Variants in PSMG4 observed in about 807,000 individuals in gnomAD.
The protein encoded by PSMG4 is proteasome assembly chaperone 4, also known as proteasome (prosome, macropain) assembly chaperone 4.
PSMG4 carries 10 observed loss-of-function variants against 11.0 expected under a neutral mutation model. The ratio of observed to expected loss-of-function variants is 0.91; its 90% CI spans 0.56 to 1.54. The LOEUF (loss-of-function observed/expected upper bound fraction) is 1.54, where lower values mean the gene tolerates loss of function less well. Ranked by LOEUF, PSMG4 falls within the 40% of genes most tolerant of loss-of-function variation. The probability of loss-of-function intolerance (pLI) is 0.00; values close to 1 mark genes in which losing one functional copy is unlikely to be tolerated. For synonymous variants in PSMG4, 95 were observed against 71.3 expected, an observed-to-expected ratio of 1.33 and a Z score of -1.68; for missense variants, 198 against 160.9, an observed-to-expected ratio of 1.23 and a Z score of -1.25.
At chr6:3,254,689 A>AT (rs1491198861), upstream of PSMG4, among the ~76,000 whole-genome samples, 1 of 152,128 alleles carries the variant, frequency 6.6e-6, no homozygotes, top group African/African-American at 2.4e-5. Context: ...TAAACTCAAC[A>AT]GAAAGAAGCT....
chr6:3,254,929 C>G (rs11242830), upstream of PSMG4: 1 of 1,118,188 alleles, frequency 8.9e-7, no homozygotes, highest in Non-Finnish European at 1.2e-6. Context: ...TTCAGCCATT[C>G]TCTCACTGGG....
intron 2 of PSMG4, 179 bp from the exon 3 acceptor site, chr6:3,267,412 C>A: frequency 1.8e-6 from 1 of 566,820 alleles, no homozygotes; most frequent in Non-Finnish European, 2.9e-6. Context: ...TGGGAGAGGC[C>A]TGAGTGACTC....
At chr6:3,259,402 C>T (rs1757886258) in intron 1 of PSMG4, among the ~76,000 whole-genome samples, 1 of 152,234 alleles carries the variant, frequency 6.6e-6, no homozygotes, top group Non-Finnish European at 1.5e-5. Context: ...GGCCCCTCTC[C>T]TTGTCCCGCC....
chr6:3,255,170 T>TA (rs1409367270), upstream of PSMG4: 15 of 1,550,844 alleles, frequency 9.7e-6, no homozygotes, highest in East Asian at 2.7e-4. Flanking sequence ...ACTGACGGCT[T>TA]ACATGTGCGC....
upstream of PSMG4, among the ~76,000 whole-genome samples, chr6:3,256,482 T>C (rs990384822): frequency 2.0e-5 from 3 of 152,216 alleles, no homozygotes; most frequent in Non-Finnish European, 2.9e-5. Flanking sequence ...TTCCTCCTCC[T>C]GTGATGTGTG....
upstream of PSMG4, chr6:3,255,061 A>G (rs750503405): frequency 1.1e-4 from 174 of 1,550,934 alleles, 1 homozygote; most frequent in African/African-American, 1.5e-3. Flanking sequence ...GAACAAACAC[A>G]CTTGGAATAT....
At chr6:3,259,229 G>C (rs9501962) in intron 1 of PSMG4, 33 bp downstream of exon 1, 7 of 1,257,472 alleles carry the variant, frequency 5.6e-6, no homozygotes, top group Non-Finnish European at 7.0e-6. Flanking sequence ...TGCGGGCGGC[G>C]GGGCGGGGGC....
At position 3,267,911 on chromosome 6, in the gene PSMG4, A is replaced by G. The variant is rs1758258614; in HGVS notation, c.*199A>G. 2.1e-6 allele frequency: 1 copy of G among 486,962 alleles called. No individual in the cohort carries two copies. 30.2% of individuals were successfully genotyped at this position (486,962 alleles called of 1,614,324 possible). A position where few individuals can be genotyped will look rare whatever the true frequency, so the allele number is the denominator to read the frequency against. The stretch of plus-strand genomic sequence containing the variant: ...GAAGGAGAGGCAAAGTGGGCAGTAT[A>G]TACTTCCTCATTTGGCTGTGAGTGA... On this transcript the variant is annotated 3_prime_UTR_variant, in exon 3 of 3. Coordinates refer to ENST00000438998, the MANE Select transcript of PSMG4 (RefSeq NM_001128591.2).
intron 1 of PSMG4, among the ~76,000 whole-genome samples, chr6:3,260,779 A>G (rs1757961621): frequency 6.6e-6 from 1 of 152,218 alleles, no homozygotes; most frequent in East Asian, 1.9e-4. Flanking sequence ...AACCAGGGCA[A>G]CAGAATGATA....
At chr6:3,262,804 C>CTTTTT (rs1448927178) in intron 1 of PSMG4, among the ~76,000 whole-genome samples, 24 of 22,192 alleles carry the variant, frequency 1.1e-3, no homozygotes, top group Middle Eastern at 0.025. Flanking sequence ...TTTTTTTTTC[C>CTTTTT]CCCTTTGGAA....
upstream of PSMG4, among the ~76,000 whole-genome samples, chr6:3,254,470 T>C (rs564193257): frequency 5.3e-5 from 8 of 152,290 alleles, no homozygotes; most frequent in East Asian, 1.9e-4. Context: ...TGTGTCTTTT[T>C]AGATAAATAT....
upstream of PSMG4, among the ~76,000 whole-genome samples, chr6:3,257,597 C>T (rs1056619605): frequency 6.6e-6 from 1 of 152,020 alleles, no homozygotes; most frequent in Non-Finnish European, 1.5e-5. Context: ...GACACACAAG[C>T]AGATGAACCC....
upstream of PSMG4, among the ~76,000 whole-genome samples, chr6:3,254,457 T>TG (rs1554128577): frequency 4.1e-4 from 62 of 151,480 alleles, no homozygotes; most frequent in East Asian, 9.7e-4. Context: ...TCTGCTTTTT[T>TG]TGTGTGTCTT....
At chr6:3,255,272 CT>C, upstream of PSMG4, 2 of 1,543,066 alleles carry the variant, frequency 1.3e-6, no homozygotes, top group Non-Finnish European at 1.8e-6. Flanking sequence ...CCACGGCTGT[CT>C]TACGGGTCTA....
At chr6:3,255,141 C>G, upstream of PSMG4, 3 of 1,551,006 alleles carry the variant, frequency 1.9e-6, no homozygotes, top group South Asian at 1.2e-5. Context: ...TGGTCATTCT[C>G]TTTGAGGAGC....
chr6:3,254,792 G>C (rs4354193), upstream of PSMG4, among the ~76,000 whole-genome samples: 15,831 of 152,050 alleles, frequency 0.1, 1,494 homozygotes, highest in African/African-American at 0.25. Context: ...CTGAATGCTT[G>C]GGGTCAGAGC....
At chr6:3,261,217 C>G (rs1213196344) in intron 1 of PSMG4, among the ~76,000 whole-genome samples, 1 of 47,248 alleles carries the variant, frequency 2.1e-5, no homozygotes, top group African/African-American at 5.8e-5. Flanking sequence ...TCCTTTCTTG[C>G]TTTTCTTTTC....
At chr6:3,264,109 A>G in intron 2 of PSMG4, 1 of 1,509,188 alleles carries the variant, frequency 6.6e-7, no homozygotes, top group Non-Finnish European at 8.9e-7. Context: ...TGGTGGCTCA[A>G]GGTAGCCTCC....
At position 3,260,287 on chromosome 6, in the gene PSMG4, A is replaced by G. The variant is rs1162642801; in HGVS notation, c.174+1091A>G. Among the ~76,000 whole-genome samples the G allele has an allele frequency of 4.6e-4, 5 of 10,762 alleles. No homozygotes were observed. In the East Asian group the frequency reaches 7.5e-3, roughly 16 times the overall value. The allele number at this position is 10,762 out of a possible 152,430, so 7.1% of individuals were successfully genotyped here. ...ACCTTGTCTTAAATTGTATATATAT[A>G]TATATTTTTTTTTTTTTTTTTTGAA... On this transcript the variant is annotated intron_variant, in intron 1 of 2. Transcript: ENST00000438998.
Sources: gnomAD v4.1 joint callset for allele counts (sites outside exome capture counted in the v4.1 genomes callset) on GRCh38, gnomAD v4.1.1 for gene constraint, MANE v1.5 for transcripts, NCBI Gene and HGNC (gene_info 2026-07-23, HGNC 2026-07-21) for gene names.